The following ZNF623 variants were observed in gnomAD, a reference collection of about 807,000 sequenced individuals.
ZNF623 encodes zinc finger protein 623.
In ZNF623, 16 loss-of-function variants were observed where a neutral mutation model predicts 24.0. The observed-to-expected ratio is 0.67, with a 90% CI of 0.45 to 1.01. The LOEUF is 1.01. Among genes scored for constraint, ZNF623 ranks in the 50% least tolerant of loss-of-function variants. The probability of loss-of-function intolerance (pLI) is 0.00; values close to 1 mark genes in which losing one functional copy is unlikely to be tolerated. For synonymous variants in ZNF623, 224 were observed against 219.8 expected (o/e 1.02, Z -0.17); for missense variants, 566 against 606.5 (o/e 0.93, Z 0.70).
In ZNF623 at chr8:143,644,896, A is replaced by G. The variant is rs542079222; in HGVS notation, c.-95-5002A>G. Among the ~76,000 whole-genome samples the G allele has an allele frequency of 1.1e-4, 17 of 151,936 alleles. 1 individual carries two copies. In the South Asian group the frequency reaches 3.5e-3, roughly 32 times the overall value. On this transcript the variant is annotated intron_variant, in intron 1 of 1. Coordinates refer to ENST00000526926, the MANE Select transcript of ZNF623 (RefSeq NM_001261843.2). ...GTAATCCCAGCACTTTGGGAGGCCA[A>G]GGTGGGCTGATCACCTGAGTTTGGG...
In ZNF623 at chr8:143,650,163, C is replaced by T. The variant is rs200935028; in HGVS notation, c.171C>T (p.Cys57=). The change falls in exon 2 of 2, where the codon TGC becomes TGT. Residue 57 remains cysteine (C), a synonymous_variant. Coordinates refer to ENST00000526926, the MANE Select transcript of ZNF623 (RefSeq NM_001261843.2). This position sits in a 1 kb window ranked among gnomAD's most constrained non-coding sequence, Gnocchi z 5.2. The stretch of plus-strand genomic sequence containing the variant: ...AGACAGGAGAGACAGCTCAAGTGTG[C>T]ACCAAGTCAGGAAGAAACCATATTC... ...KIQTGETAQV[C]TKSGRNHILN... 3.1e-6 allele frequency: 5 copies of T among 1,614,080 alleles called. No individual in the cohort carries two copies. Among genetic ancestry groups the T allele is most frequent in the Non-Finnish European group, 4.2e-6 (5 of 1,180,064 alleles).
At chr8:143,648,455 C>T (rs962336515) in intron 1 of ZNF623, among the ~76,000 whole-genome samples, 2 of 151,928 alleles carry the variant, frequency 1.3e-5, no homozygotes, top group African/African-American at 4.8e-5. Context: ...ATGGAGAAAT[C>T]GAGCGTGGGG....
At chr8:143,639,217 TTTTA>T (rs1354763842) in intron 1 of ZNF623, among the ~76,000 whole-genome samples, 1 of 145,018 alleles carries the variant, frequency 6.9e-6, no homozygotes, top group Non-Finnish European at 1.5e-5. Flanking sequence ...TTATTTTTAT[TTTTA>T]TTTATTTATT....
In ZNF623 at chr8:143,651,743, G is replaced by T. The variant is rs1446009841; in HGVS notation, c.*260G>T. 3 of 435,654 alleles carry T rather than the reference G, an allele frequency of 6.9e-6. No homozygotes were observed. Among genetic ancestry groups the T allele is most frequent in the African/African-American group, 4.1e-5 (2 of 49,054 alleles). 27.0% of individuals were successfully genotyped at this position (435,654 alleles called of 1,614,324 possible). On this transcript the variant is annotated 3_prime_UTR_variant, in exon 2 of 2. Transcript: ENST00000526926. Reference sequence around the variant, plus strand: ...GGGGCAGGGAGAAGACAGGTCTCAAGAAAAGGTTTTTAAGAAGTTTCATCC... The same window carrying T: ...GGGGCAGGGAGAAGACAGGTCTCAATAAAAGGTTTTTAAGAAGTTTCATCC...
chr8:143,645,228 G>T (rs1815147254), intron 1 of ZNF623, among the ~76,000 whole-genome samples: 1 of 152,154 alleles, frequency 6.6e-6, no homozygotes, highest in Admixed American at 6.5e-5. Flanking sequence ...CGGATCACAA[G>T]GTCAGGAGAT....
Position 143,651,159 on chromosome 8 carries a change from G to A in ZNF623, c.1167G>A (p.Arg389=), listed in dbSNP as rs1815303105. The change falls in exon 2 of 2, where the codon AGG becomes AGA. Residue 389 remains arginine, a synonymous_variant. Coordinates refer to ENST00000526926, the MANE Select transcript of ZNF623 (RefSeq NM_001261843.2). ...TEHQKIHSGD[R]PFECKDCGKA... ...ACCAGAAGATCCACTCTGGGGACAG[G>A]CCCTTCGAATGTAAAGACTGTGGGA... The A allele has an allele frequency of 1.2e-6, 2 of 1,614,018 alleles. No individual in the cohort carries two copies. The highest frequency in any genetic ancestry group is 1.7e-6 in the Non-Finnish European group (2 of 1,179,990).
intron 1 of ZNF623, among the ~76,000 whole-genome samples, chr8:143,647,241 A>G (rs1815197089): frequency 6.6e-6 from 1 of 152,142 alleles, no homozygotes; most frequent in Non-Finnish European, 1.5e-5. Flanking sequence ...GCTCACTGCA[A>G]GCTCCGCCTC....
intron 1 of ZNF623, chr8:143,649,572 A>G (rs1815246929): frequency 1.6e-5 from 6 of 384,496 alleles, no homozygotes; most frequent in Non-Finnish European, 1.9e-5. Flanking sequence ...TGTTTAAAGT[A>G]TCTGTCTCGG....
intron 1 of ZNF623, among the ~76,000 whole-genome samples, chr8:143,646,499 GTGGGGGAGACA>G (rs1815177673): frequency 6.6e-6 from 1 of 152,108 alleles, no homozygotes. Context: ...TCACATACTT[GTGGGGGAGACA>G]ACAAAACACA....
chr8:143,638,663 A>G (rs1814980143), intron 1 of ZNF623, among the ~76,000 whole-genome samples: 1 of 150,600 alleles, frequency 6.6e-6, no homozygotes, highest in African/African-American at 2.4e-5. Context: ...GCTTGAACCC[A>G]CGAGACAGAG....
intron 1 of ZNF623, among the ~76,000 whole-genome samples, chr8:143,643,539 G>A (rs1220233980): frequency 6.6e-6 from 1 of 152,170 alleles, no homozygotes; most frequent in Non-Finnish European, 1.5e-5. Flanking sequence ...CAGCGGGGTT[G>A]GATAGAGCAT....
chr8:143,640,922 G>A (rs1815034274), intron 1 of ZNF623, among the ~76,000 whole-genome samples: 1 of 119,528 alleles, frequency 8.4e-6, no homozygotes, highest in East Asian at 2.7e-4. Flanking sequence ...CCTGGGGAAC[G>A]AGAGTGAAAC....
Position 143,651,292 on chromosome 8 carries a change from T to G in ZNF623, c.1300T>G (p.Phe434Val). Residue 434 changes from phenylalanine to valine, a missense_variant, in exon 2 of 2, where the codon TTC becomes GTC. Around this residue, in one of 3 missense-constraint regions of ZNF623, gnomAD observed 136 missense variants for 131.9 expected, o/e 1.03. Coordinates refer to ENST00000526926, the MANE Select transcript of ZNF623 (RefSeq NM_001261843.2). ...CGKGFIQRSNFLQHQKIHTEE... is the reference protein window; with the variant it reads ...CGKGFIQRSNVLQHQKIHTEE... Reference sequence around the variant, plus strand: ...GAAAGGCTTTATTCAGAGGTCAAACTTCCTTCAACACCAGAAAATTCATAC... The same window carrying G: ...GAAAGGCTTTATTCAGAGGTCAAACGTCCTTCAACACCAGAAAATTCATAC... The G allele has an allele frequency of 6.2e-7, 1 of 1,614,212 alleles. No individual in the cohort carries two copies. The highest frequency in any genetic ancestry group is 8.5e-7 in the Non-Finnish European group (1 of 1,180,046).
At chr8:143,649,175 G>A (rs1815236959) in intron 1 of ZNF623, among the ~76,000 whole-genome samples, 1 of 151,996 alleles carries the variant, frequency 6.6e-6, no homozygotes, top group Non-Finnish European at 1.5e-5. Flanking sequence ...CTGCTTGGGA[G>A]GCTGAGGCAG....
intron 1 of ZNF623, among the ~76,000 whole-genome samples, chr8:143,638,889 G>A (rs897551572): frequency 1.3e-5 from 2 of 149,364 alleles, no homozygotes; most frequent in African/African-American, 2.5e-5. Flanking sequence ...CCACCCCACC[G>A]TTCTCCCACT....
intron 1 of ZNF623, among the ~76,000 whole-genome samples, chr8:143,643,158 G>A (rs924416230): frequency 6.6e-6 from 1 of 152,212 alleles, no homozygotes; most frequent in African/African-American, 2.4e-5. Flanking sequence ...GGCGGCTCCT[G>A]CTCACAGCCA....
chr8:143,647,157 T>TG (rs112583500), intron 1 of ZNF623, among the ~76,000 whole-genome samples: 36,974 of 151,340 alleles, frequency 0.24, 6,672 homozygotes, highest in African/African-American at 0.49. Context: ...GTTTTTTTTT[T>TG]TTTTGTTTTG....
chr8:143,644,850 C>T (rs1010242148), intron 1 of ZNF623, among the ~76,000 whole-genome samples: 10 of 143,816 alleles, frequency 7.0e-5, no homozygotes, highest in East Asian at 6.1e-4. Context: ...AAAAAAAGCC[C>T]GGGCGCAGTT....
chr8:143,645,026 G>C (rs1169755327), intron 1 of ZNF623, among the ~76,000 whole-genome samples: 2 of 152,102 alleles, frequency 1.3e-5, no homozygotes, highest in African/African-American at 2.4e-5. Flanking sequence ...TACTTGGGAG[G>C]CTGAGGCAGG....
Sources: allele counts gnomAD v4.1 joint callset (sites outside exome capture counted in the v4.1 genomes callset), GRCh38; gene constraint gnomAD v4.1.1; regional missense constraint gnomAD v4.1.1; non-coding constraint Gnocchi (gnomAD v3.1); transcripts MANE v1.5; gene names NCBI Gene and HGNC (gene_info 2026-07-23, HGNC 2026-07-21).